Variants in SH3GL3 observed in about 807,000 individuals in gnomAD.
The protein encoded by SH3GL3 is endophilin-A3.
A neutral mutation model predicts 47.7 loss-of-function variants in SH3GL3; 33 were observed. The observed-to-expected ratio is 0.69, with a 90% CI of 0.52 to 0.92. The LOEUF is 0.92. Ranked by LOEUF, SH3GL3 falls within the 40% of genes least tolerant of loss-of-function variation. The pLI, the probability that SH3GL3 is intolerant of heterozygous loss-of-function variation, is 0.00. For missense variants in SH3GL3, 363 were observed against 417.8 expected (o/e 0.87, Z 1.14); for synonymous variants, 155 against 148.8 (o/e 1.04, Z -0.30).
At chr15:83,555,843 C>T (rs1381063599) in intron 1 of SH3GL3, among the ~76,000 whole-genome samples, 2 of 152,124 alleles carry the variant, frequency 1.3e-5, no homozygotes, top group Non-Finnish European at 2.9e-5. Flanking sequence ...CCCAGCAGGC[C>T]CGAGGCTTCA....
chr15:83,502,332 A>G (rs1397363801), intron 1 of SH3GL3, among the ~76,000 whole-genome samples: 8 of 152,336 alleles, frequency 5.3e-5, no homozygotes, highest in Middle Eastern at 3.4e-3. Flanking sequence ...GTGAGTAACC[A>G]CTGCCATGTT....
At chr15:83,625,621 TA>T in the SH3GL3 span, among the ~76,000 whole-genome samples, 1 of 152,242 alleles carries the variant, frequency 6.6e-6, no homozygotes, top group Non-Finnish European at 1.5e-5. Context: ...TTTACCTAGC[TA>T]CCTAAATTTC....
At chr15:83,620,223 A>T (rs1265337315), downstream of SH3GL3, among the ~76,000 whole-genome samples, 1 of 152,220 alleles carries the variant, frequency 6.6e-6, no homozygotes, top group African/African-American at 2.4e-5. Context: ...AAGAGGGTTG[A>T]AATCAACTTA....
At chr15:83,525,351 C>CGTGTGTGTGTGTGTGT (rs3078536) in intron 1 of SH3GL3, among the ~76,000 whole-genome samples, 16 of 148,104 alleles carry the variant, frequency 1.1e-4, no homozygotes, top group Middle Eastern at 7.0e-3. Flanking sequence ...ATTCTTTGTG[C>CGTGTGTGTGTGTGTGT]GTGTGTGTGT....
intron 1 of SH3GL3, chr15:83,489,259 G>A (rs1426776383): frequency 6.6e-6 from 1 of 152,162 alleles, no homozygotes; most frequent in East Asian, 1.9e-4. Context: ...AATCATGTCA[G>A]TGAATACCTA....
At chr15:83,467,583 A>G (rs530062291) in intron 1 of SH3GL3, among the ~76,000 whole-genome samples, 1 of 152,216 alleles carries the variant, frequency 6.6e-6, no homozygotes, top group Non-Finnish European at 1.5e-5. Flanking sequence ...TGGAGTTTTG[A>G]TAGGAATTGC....
At chr15:83,589,240 T>G (rs767642985) in intron 8 of SH3GL3, among the ~76,000 whole-genome samples, 1 of 152,212 alleles carries the variant, frequency 6.6e-6, no homozygotes, top group Non-Finnish European at 1.5e-5. Flanking sequence ...CATTCTATAG[T>G]CTCTTGTGAT....
intron 1 of SH3GL3, among the ~76,000 whole-genome samples, chr15:83,533,190 T>A (rs1254045707): frequency 6.6e-6 from 1 of 152,184 alleles, no homozygotes; most frequent in Non-Finnish European, 1.5e-5. Flanking sequence ...CTGAGGAGTA[T>A]GGACTAGAAA....
chr15:83,517,955 C>T (rs529893587), intron 1 of SH3GL3, among the ~76,000 whole-genome samples: 3 of 152,200 alleles, frequency 2.0e-5, no homozygotes, highest in East Asian at 1.9e-4. Flanking sequence ...TTTGTGTCCA[C>T]GAGTACCCAG....
intron 1 of SH3GL3, among the ~76,000 whole-genome samples, chr15:83,538,185 G>T (rs1169244847): frequency 6.6e-6 from 1 of 152,100 alleles, no homozygotes; most frequent in Admixed American, 6.6e-5. Context: ...GCTAAACAGA[G>T]ACTTCCAGAT....
intron 1 of SH3GL3, among the ~76,000 whole-genome samples, chr15:83,481,542 A>G (rs2041359000): frequency 6.6e-6 from 1 of 152,196 alleles, no homozygotes; most frequent in Non-Finnish European, 1.5e-5. Flanking sequence ...CTTGAGTTAC[A>G]TTAAAGCAGG....
chr15:83,489,454 C>CT (rs1451805171), intron 1 of SH3GL3: 4 of 152,152 alleles, frequency 2.6e-5, no homozygotes, highest in African/African-American at 9.7e-5. Flanking sequence ...ATGGGGGTAA[C>CT]GACTCTCCCT....
intron 2 of SH3GL3, among the ~76,000 whole-genome samples, chr15:83,564,110 C>T (rs796445838): frequency 2.0e-5 from 3 of 152,010 alleles, no homozygotes; most frequent in African/African-American, 7.2e-5. Context: ...AAGTTTCTTC[C>T]CACTCCAGTA....
In SH3GL3 at chr15:83,570,758, C is replaced by T. The variant is rs183920353; in HGVS notation, c.332-1807C>T. ...ATGTTAAAACTCAAGCATTAAAACA[C>T]GAATTAATTAGTGACAAAGGGTAAT... On this transcript the variant is annotated intron_variant, in intron 4 of 8. Coordinates refer to ENST00000427482, the MANE Select transcript of SH3GL3 (RefSeq NM_003027.5). 1.4e-4 allele frequency among the ~76,000 whole-genome samples: 22 copies of T among 152,242 alleles called. 1 individual carries two copies. Among genetic ancestry groups the T allele is most frequent in the Non-Finnish European group, 2.1e-4 (14 of 68,022 alleles).
intron 1 of SH3GL3, among the ~76,000 whole-genome samples, chr15:83,502,992 TTGAG>T (rs1208722733): frequency 2.0e-5 from 3 of 152,198 alleles, no homozygotes; most frequent in African/African-American, 7.2e-5. Flanking sequence ...TATTCATTAA[TTGAG>T]TGTTTGTAGT....
At chr15:83,560,252 A>C (rs904902349) in intron 2 of SH3GL3, among the ~76,000 whole-genome samples, 1 of 152,216 alleles carries the variant, frequency 6.6e-6, no homozygotes. Context: ...CAGGCTGCGC[A>C]CTGCCTGGGA....
At chr15:83,535,978 A>G (rs2043883436) in intron 1 of SH3GL3, among the ~76,000 whole-genome samples, 1 of 152,242 alleles carries the variant, frequency 6.6e-6, no homozygotes, top group Non-Finnish European at 1.5e-5. Context: ...GCCTGATATG[A>G]TGCAAACTGT....
chr15:83,608,206 A>G (rs1422549752), intron 8 of SH3GL3, among the ~76,000 whole-genome samples: 2 of 152,232 alleles, frequency 1.3e-5, no homozygotes, highest in African/African-American at 2.4e-5. Context: ...TCTCCTGTGG[A>G]TAAATACAGG....
chr15:83,484,809 A>C (rs1428415470), intron 1 of SH3GL3, among the ~76,000 whole-genome samples: 1 of 152,144 alleles, frequency 6.6e-6, no homozygotes, highest in Non-Finnish European at 1.5e-5. Flanking sequence ...CATGAAGCAC[A>C]TTTTCAAATA....
Sources: gnomAD v4.1 joint callset for allele counts (sites outside exome capture counted in the v4.1 genomes callset) on GRCh38, gnomAD v4.1.1 for gene constraint, MANE v1.5 for transcripts, NCBI Gene and HGNC (gene_info 2026-07-23, HGNC 2026-07-21) for gene names.